The following HM13 variants were observed in gnomAD, a reference collection of about 807,000 sequenced individuals.
HM13 encodes histocompatibility minor 13.
Under a neutral mutation model 50.0 loss-of-function variants are expected in HM13, and 18 were observed. That is an observed-to-expected ratio of 0.36 (90% CI 0.25 to 0.53). The LOEUF (loss-of-function observed/expected upper bound fraction) is 0.53, where lower values mean the gene tolerates loss of function less well. Ranked by LOEUF, HM13 falls within the 20% of genes least tolerant of loss-of-function variation. The pLI, the probability that HM13 is intolerant of heterozygous loss-of-function variation, is 0.90. For synonymous variants in HM13, 197 were observed against 232.6 expected (o/e 0.85, Z 1.39); for missense variants, 393 against 552.4 (o/e 0.71, Z 2.89).
intron 2 of HM13, among the ~76,000 whole-genome samples, chr20:31,534,369 CAGAA>C (rs1982990660): frequency 1.3e-5 from 2 of 152,006 alleles, no homozygotes; most frequent in Admixed American, 1.3e-4. Flanking sequence ...GGGGAGAGGA[CAGAA>C]GGAAGGAAGG....
At chr20:31,544,450 T>C (rs1443238299) in intron 3 of HM13, among the ~76,000 whole-genome samples, 1 of 152,214 alleles carries the variant, frequency 6.6e-6, no homozygotes, top group Non-Finnish European at 1.5e-5. Flanking sequence ...TGATTCCAGC[T>C]GAGTCTGTAA....
At position 31,550,053 on chromosome 20, in the gene HM13, T is replaced by C. The variant is rs927314107; in HGVS notation, c.667-11T>C. 1.9e-6 allele frequency: 3 copies of C among 1,611,758 alleles called. No individual in the cohort carries two copies. Among genetic ancestry groups the C allele is most frequent in the Non-Finnish European group, 1.7e-6 (2 of 1,177,964 alleles). On this transcript the variant is annotated splice_polypyrimidine_tract_variant and intron_variant, in intron 6 of 12. Transcript: ENST00000398174. ...ACTTCCCTTCATACTGCTCTTTTTT[T>C]CTCCTTCTAGGTATTTGGCACCAAT...
chr20:31,549,074 G>A lies in HM13; in HGVS notation c.500G>A (p.Gly167Asp). The A allele has an allele frequency of 1.2e-6, 2 of 1,614,124 alleles. No homozygotes were observed. Among genetic ancestry groups the A allele is most frequent in the Non-Finnish European group, 8.5e-7 (1 of 1,180,004 alleles). ...GACACCAAGGACCTGGTGTGCCTGGGCCTGAGCAGCATCGTTGGCGTCTGG... is the reference window on the plus strand; with the variant it reads ...GACACCAAGGACCTGGTGTGCCTGGACCTGAGCAGCATCGTTGGCGTCTGG... ...EFDTKDLVCL[G>D]LSSIVGVWYL... The change falls in exon 5 of 13, where the codon GGC becomes GAC. Residue 167 changes from glycine to aspartate, a missense_variant. By Grantham distance (94) the Gly-to-Asp change is moderately conservative. This residue lies in a region of HM13 where 214 missense variants were observed against 276.1 expected (regional missense o/e 0.77). Coordinates refer to ENST00000398174, the MANE Select transcript of HM13 (RefSeq NM_178581.3).
chr20:31,538,438 T>C, intron 3 of HM13, 177 bp downstream of exon 3: 5 of 1,441,808 alleles, frequency 3.5e-6, no homozygotes, highest in Non-Finnish European at 3.7e-6. Flanking sequence ...CAATGACCTC[T>C]CTGGGCCACA....
intron 12 of HM13, 50 bp downstream of exon 12, chr20:31,568,274 G>A (rs780282891): frequency 1.9e-6 from 3 of 1,596,112 alleles, no homozygotes; most frequent in South Asian, 2.3e-5. Context: ...CTGCCCCGGG[G>A]CCCAAGGTAG....
chr20:31,553,129 C>G (rs1984116652), intron 7 of HM13, among the ~76,000 whole-genome samples: 1 of 151,942 alleles, frequency 6.6e-6, no homozygotes, highest in Non-Finnish European at 1.5e-5. Context: ...AACCCTGTCT[C>G]TACTAAAAAT....
At chr20:31,524,921 G>C (rs1050829327) in intron 1 of HM13, among the ~76,000 whole-genome samples, 1 of 151,934 alleles carries the variant, frequency 6.6e-6, no homozygotes, top group Non-Finnish European at 1.5e-5. Flanking sequence ...CACCACGTTA[G>C]CCAGGATGGT....
At position 31,568,164 on chromosome 20, in the gene HM13, A is replaced by C. The variant is rs1985036703; in HGVS notation, c.1121A>C (p.Asp374Ala). 2 of 1,612,892 alleles carry C rather than the reference A, an allele frequency of 1.2e-6. No individual in the cohort carries two copies. The highest frequency in any genetic ancestry group is 4.5e-5 in the East Asian group (2 of 44,858). The change falls in exon 12 of 13, where the codon GAC (aspartate) becomes GCC (alanine). Residue 374 changes from aspartate (D) to alanine (A), a missense_variant. Asp to Ala is a moderately radical substitution (Grantham distance 126). This residue lies in a region of HM13 where 105 missense variants were observed against 115.9 expected (regional missense o/e 0.91). Transcript: ENST00000398174. Reference sequence around the variant, plus strand: ...TCGGGCTCCCCAGCCAGCCTGGCCGACTCCATGCAGCAGAAGCTAGCTGGC... The same window carrying C: ...TCGGGCTCCCCAGCCAGCCTGGCCGCCTCCATGCAGCAGAAGCTAGCTGGC... ...TVSGSPASLA[D>A]SMQQKLAGPR...
intron 3 of HM13, among the ~76,000 whole-genome samples, chr20:31,543,367 C>A (rs539608719): frequency 1.3e-5 from 2 of 152,252 alleles, no homozygotes; most frequent in South Asian, 4.1e-4. Flanking sequence ...CTCACTGCAA[C>A]CTCTGCCCCC....
chr20:31,519,302 G>T (rs757365180), intron 1 of HM13, among the ~76,000 whole-genome samples: 2 of 152,160 alleles, frequency 1.3e-5, no homozygotes, highest in Non-Finnish European at 2.9e-5. Context: ...GGTTTCACCA[G>T]GTTGTCCAGG....
At chr20:31,535,584 G>C (rs1391937699) in intron 2 of HM13, 1 of 152,186 alleles carries the variant, frequency 6.6e-6, no homozygotes, top group Non-Finnish European at 1.5e-5. Flanking sequence ...CAATGTGAGA[G>C]GTATGCCACA....
At chr20:31,543,646 C>T (rs1462026363) in intron 3 of HM13, among the ~76,000 whole-genome samples, 2 of 151,744 alleles carry the variant, frequency 1.3e-5, no homozygotes, top group Non-Finnish European at 2.9e-5. Context: ...AAGAGAGTTC[C>T]CTTGGCCGGG....
chr20:31,517,296 G>C (rs953717906), intron 1 of HM13, among the ~76,000 whole-genome samples: 18 of 152,178 alleles, frequency 1.2e-4, no homozygotes, highest in African/African-American at 4.3e-4. Context: ...CCAGGAGTAT[G>C]TTGTGAAGAA....
chr20:31,558,929 TG>T (rs1302913540), intron 8 of HM13, among the ~76,000 whole-genome samples: 1 of 152,080 alleles, frequency 6.6e-6, no homozygotes, highest in Non-Finnish European at 1.5e-5. Flanking sequence ...TGTTTTGTTT[TG>T]TTTTTTTGAG....
chr20:31,522,844 GGAAATTGAGGCTTAGA>G lies in HM13; in HGVS notation c.184-4635_184-4620del, dbSNP rs1283560444. Among the ~76,000 whole-genome samples the G allele has an allele frequency of 2.7e-5, 4 of 148,276 alleles. No individual in the cohort carries two copies. The East Asian group carries it at 7.7e-4, about 29-fold the overall frequency. ...TCCTCACAACTTGTTTTACAGCTGA[GGAAATTGAGGCTTAGA>G]GAAAAAAAAAATCACTTTCCCAAGG... On this transcript the variant is annotated intron_variant, in intron 1 of 12. Transcript: ENST00000398174.
intron 7 of HM13, among the ~76,000 whole-genome samples, chr20:31,553,295 C>A (rs1322992422): frequency 1.5e-3 from 170 of 114,066 alleles, no homozygotes; most frequent in African/African-American, 2.5e-3. Context: ...GACTCCATCT[C>A]AAAAAAAAAA....
Position 31,566,147 on chromosome 20 carries a change from T to TGGGCACGGCCCTGAGGCAGTGCC in HM13, c.949-61_949-39dup, listed in dbSNP as rs1984894743. On this transcript the variant is annotated intron_variant, in intron 10 of 12. Coordinates refer to ENST00000398174, the MANE Select transcript of HM13 (RefSeq NM_178581.3). ...CCAGCCCAGAAGGGGTTTGGGGTGCTGGGCACGGCCCTGAGGCAGTGCCGT... is the reference window on the plus strand; with the variant it reads ...CCAGCCCAGAAGGGGTTTGGGGTGCTGGGCACGGCCCTGAGGCAGTGCCGGGCACGGCCCTGAGGCAGTGCCGT... 5.5e-6 allele frequency: 7 copies of TGGGCACGGCCCTGAGGCAGTGCC among 1,274,160 alleles called. No individual in the cohort carries two copies. The East Asian group carries it at 1.6e-4, about 29-fold the overall frequency. 78.9% of individuals were successfully genotyped at this position (1,274,160 alleles called of 1,614,324 possible).
At chr20:31,547,891 AC>A in intron 4 of HM13, 2 of 1,042,720 alleles carry the variant, frequency 1.9e-6, no homozygotes, top group Non-Finnish European at 3.0e-6. Context: ...TGCAGTAGAT[AC>A]GATTGTAGCA....
intron 12 of HM13, 126 bp from the exon 13 acceptor site, chr20:31,568,994 A>G (rs1985101309): frequency 3.7e-5 from 24 of 647,284 alleles, no homozygotes; most frequent in Non-Finnish European, 5.4e-5. Flanking sequence ...CAGTGGACAC[A>G]GGGCTGACGC....
Sources: gnomAD v4.1 joint callset for allele counts (sites outside exome capture counted in the v4.1 genomes callset) on GRCh38, gnomAD v4.1.1 for gene constraint, gnomAD v4.1.1 regional missense constraint, MANE v1.5 for transcripts, NCBI Gene and HGNC (gene_info 2026-07-23, HGNC 2026-07-21) for gene names.